The following BANF2 variants were observed in gnomAD, a reference collection of about 807,000 sequenced individuals.
The protein encoded by BANF2 is barrier-to-autointegration factor-like protein.
Under a neutral mutation model 8.0 loss-of-function variants are expected in BANF2, and 4 were observed. That is an observed-to-expected ratio of 0.50 (90% CI 0.25 to 1.14). BANF2 has a LOEUF of 1.14. Ranked by LOEUF, BANF2 falls within the 50% of genes most tolerant of loss-of-function variation. The pLI is 0.16. For missense variants in BANF2, 96 were observed against 107.5 expected (o/e 0.89, Z 0.47); for synonymous variants, 50 against 40.6 (o/e 1.23, Z -0.88).
At chr20:17,704,174 G>C (rs1249312156) in intron 1 of BANF2, among the ~76,000 whole-genome samples, 1 of 152,238 alleles carries the variant, frequency 6.6e-6, no homozygotes, top group East Asian at 1.9e-4. Context: ...TCCACTTCCT[G>C]GTGGGTGGGC....
At chr20:17,714,092 G>C (rs1384778739) in intron 1 of BANF2, among the ~76,000 whole-genome samples, 1 of 149,696 alleles carries the variant, frequency 6.7e-6, no homozygotes, top group Admixed American at 6.7e-5. Flanking sequence ...TATAATCCTA[G>C]CTACTTGGCA....
In BANF2 at chr20:17,693,702, CA is replaced by C. The variant is rs1258884917; in HGVS notation, c.17del (p.Lys6ArgfsTer10). On this transcript the variant is annotated frameshift_variant, in exon 1 of 3. Transcript: ENST00000545418. LOFTEE classifies it high-confidence loss of function. ...ACCCTGCGCTGAATGCTGCGAGGAA[CA>C]AAGGTAAGGCAGATTGGTCTGACTT... The C allele has an allele frequency of 6.4e-7, 1 of 1,551,614 alleles. No individual in the cohort carries two copies. Among genetic ancestry groups the C allele is most frequent in the Non-Finnish European group, 8.7e-7 (1 of 1,146,972 alleles).
chr20:17,700,854 G>A (rs2122563893), intron 1 of BANF2, among the ~76,000 whole-genome samples: 1 of 152,270 alleles, frequency 6.6e-6, no homozygotes, highest in East Asian at 1.9e-4. Context: ...TCCCTACCAT[G>A]GCCCATTCGT....
At chr20:17,716,841 C>CAAAAAAAAA (rs36007590) in intron 1 of BANF2, among the ~76,000 whole-genome samples, 5 of 89,696 alleles carry the variant, frequency 5.6e-5, no homozygotes, top group Non-Finnish European at 6.2e-5. Flanking sequence ...GACTCCATCT[C>CAAAAAAAAA]AAAAAAAAAA....
intron 1 of BANF2, among the ~76,000 whole-genome samples, chr20:17,693,974 C>T (rs2037321095): frequency 6.6e-6 from 1 of 152,252 alleles, no homozygotes; most frequent in Non-Finnish European, 1.5e-5. Context: ...TGGACGGATT[C>T]CTTCAGCCAC....
At chr20:17,734,023 A>G (rs1005811178) in intron 3 of BANF2, among the ~76,000 whole-genome samples, 2 of 152,202 alleles carry the variant, frequency 1.3e-5, no homozygotes, top group African/African-American at 2.4e-5. Context: ...AGAGCCCCCA[A>G]AACCAGCCCT....
At chr20:17,735,272 G>A (rs1320727614) in intron 3 of BANF2, among the ~76,000 whole-genome samples, 2 of 152,118 alleles carry the variant, frequency 1.3e-5, no homozygotes, top group African/African-American at 2.4e-5. Context: ...GCTAGGCCCC[G>A]GCTACTCAAA....
chr20:17,718,193 TGTTC>T (rs1310061805), intron 1 of BANF2, among the ~76,000 whole-genome samples: 1 of 150,902 alleles, frequency 6.6e-6, no homozygotes, highest in African/African-American at 2.4e-5. Flanking sequence ...GTTGTAGAGG[TGTTC>T]GTTTGTTTGT....
chr20:17,699,062 T>C (rs1225087581), upstream of BANF2, among the ~76,000 whole-genome samples: 1 of 152,196 alleles, frequency 6.6e-6, no homozygotes, highest in Non-Finnish European at 1.5e-5. Flanking sequence ...AGTCAGAAAC[T>C]TTGAGAGTGG....
At chr20:17,709,540 G>C (rs1484067341) in intron 1 of BANF2, among the ~76,000 whole-genome samples, 2 of 152,168 alleles carry the variant, frequency 1.3e-5, no homozygotes, top group East Asian at 3.9e-4. Context: ...CTGTACACAA[G>C]ATGCCCCTTT....
At position 17,722,750 on chromosome 20, in the gene BANF2, A is replaced by G. The variant is rs1403572326; in HGVS notation, c.-132A>G. On this transcript the variant is annotated 5_prime_UTR_variant, in exon 2 of 4. Coordinates refer to ENST00000246090, the MANE Select transcript of BANF2 (RefSeq NM_178477.5). Reference sequence around the variant, plus strand: ...ACACATCAAGGCCACTTTTCTTAGGAGCCCCCTGACTTCCAAAATCAGTGC... The same window carrying G: ...ACACATCAAGGCCACTTTTCTTAGGGGCCCCCTGACTTCCAAAATCAGTGC... 3 of 984,714 alleles carry G rather than the reference A, an allele frequency of 3.0e-6. No homozygotes were observed. Among genetic ancestry groups the G allele is most frequent in the Non-Finnish European group, 2.4e-6 (2 of 829,486 alleles). 61.0% of individuals were successfully genotyped at this position (984,714 alleles called of 1,614,324 possible). A position where few individuals can be genotyped will look rare whatever the true frequency, so the allele number is the denominator to read the frequency against.
chr20:17,712,836 G>A lies in BANF2; in HGVS notation c.-166-9880G>A, dbSNP rs908055538. Among the ~76,000 whole-genome samples, 10 of 152,136 alleles carry A rather than the reference G, an allele frequency of 6.6e-5. No homozygotes were observed. The East Asian group carries it at 1.2e-3, about 18-fold the overall frequency. ...TAGAAATATGTTACAGTGCCCCTAC[G>A]TTTATAGCAGCATTAGTAACAATGG... On this transcript the variant is annotated intron_variant, in intron 1 of 3. Transcript: ENST00000246090.
At chr20:17,732,101 A>G (rs2037906545) in intron 3 of BANF2, among the ~76,000 whole-genome samples, 1 of 152,180 alleles carries the variant, frequency 6.6e-6, no homozygotes, top group South Asian at 2.1e-4. Context: ...TAATAAAAAA[A>G]TAAAAGAAAT....
Position 17,705,361 on chromosome 20 carries a change from C to T in BANF2, c.-167+5306C>T, listed in dbSNP as rs555617162. On this transcript the variant is annotated intron_variant, in intron 1 of 3. Coordinates refer to ENST00000246090, the MANE Select transcript of BANF2 (RefSeq NM_178477.5). ...CTGAGAAAACAGAGGGCGGGAGCCT[C>T]ATAAATTCCAGAGGGCCCACAGCTA... is the stretch of plus-strand genomic sequence containing the variant. 5.3e-4 allele frequency among the ~76,000 whole-genome samples: 80 copies of T among 152,302 alleles called. 2 individuals carry two copies. The highest frequency in any genetic ancestry group is 2.7e-3 in the South Asian group (13 of 4,826).
rs1236054249 is a variant in BANF2, at chr20:17,725,143, A to G, written c.118A>G (p.Ile40Val). The G allele has an allele frequency of 1.9e-6, 3 of 1,611,916 alleles. No homozygotes were observed. In the Admixed American group the frequency reaches 5.0e-5, roughly 27 times the overall value. Residue 40 changes from isoleucine to valine, a missense_variant, in exon 3 of 4, where the codon ATC (isoleucine) becomes GTC (valine). Physicochemically the swap from Ile to Val is conservative, Grantham distance 29. Coordinates refer to ENST00000246090, the MANE Select transcript of BANF2 (RefSeq NM_178477.5). ...CGCGATCAATTTGGTCACCAAAGGT[A>G]TCAATAAGGTAATTCATATTTTCTT... is the stretch of plus-strand genomic sequence containing the variant. The part of the protein sequence containing the change: ...ELAINLVTKG[I>V]NKAYILLGQF...
intron 1 of BANF2, among the ~76,000 whole-genome samples, chr20:17,710,478 A>T (rs1288070119): frequency 2.6e-5 from 4 of 152,234 alleles, no homozygotes; most frequent in Non-Finnish European, 5.9e-5. Flanking sequence ...ATGGCCATAC[A>T]GAGGCAGGCA....
chr20:17,708,070 A>G (rs1445426169), intron 1 of BANF2, among the ~76,000 whole-genome samples: 7 of 149,852 alleles, frequency 4.7e-5, no homozygotes, highest in African/African-American at 1.7e-4. Flanking sequence ...AAAAAAAACC[A>G]AAAAGAATTA....
In BANF2 at chr20:17,722,602, C is replaced by T. The variant is rs116260697; in HGVS notation, c.-166-114C>T. ...TTTTCACAGATGAAGAGTGAGATTC[C>T]TATTTAGCTGCTAAAGAGAGGTCGA... is the stretch of plus-strand genomic sequence containing the variant. On this transcript the variant is annotated intron_variant, in intron 1 of 3. Transcript: ENST00000246090. The T allele has an allele frequency of 3.6e-4, 140 of 393,204 alleles. 1 individual carries two copies. Among genetic ancestry groups the T allele is most frequent in the African/African-American group, 3.0e-3 (137 of 45,862 alleles). The allele number at this position is 393,204 out of a possible 1,614,324, so 24.4% of individuals were successfully genotyped here.
intron 1 of BANF2, among the ~76,000 whole-genome samples, chr20:17,720,235 A>G (rs879573541): frequency 1.3e-5 from 2 of 152,270 alleles, no homozygotes; most frequent in Admixed American, 6.5e-5. Context: ...ACTTCTGGGT[A>G]TGTACCCAAA....
Sources: allele counts gnomAD v4.1 joint callset (sites outside exome capture counted in the v4.1 genomes callset), GRCh38; gene constraint gnomAD v4.1.1; transcripts MANE v1.5; gene names NCBI Gene and HGNC (gene_info 2026-07-23, HGNC 2026-07-21).